The following CCDC178 variants were observed in gnomAD, a reference collection of about 807,000 sequenced individuals.
The protein encoded by CCDC178 is coiled-coil domain containing 178, also known as coiled-coil domain-containing protein 178.
A neutral mutation model predicts 117.4 loss-of-function variants in CCDC178; 126 were observed. The observed-to-expected ratio is 1.07, with a 90% CI of 0.93 to 1.24. The LOEUF is 1.24. Ranked by LOEUF, CCDC178 falls within the 50% of genes most tolerant of loss-of-function variation. The pLI, the probability that CCDC178 is intolerant of heterozygous loss-of-function variation, is 0.00. For synonymous variants in CCDC178, 283 were observed against 313.4 expected (o/e 0.90, Z 1.02); for missense variants, 1,030 against 986.9 (o/e 1.04, Z -0.59).
chr18:33,421,804 T>G (rs983202582), intron 2 of CCDC178, among the ~76,000 whole-genome samples: 11 of 152,170 alleles, frequency 7.2e-5, no homozygotes, highest in African/African-American at 2.7e-4. Flanking sequence ...GATATGAGAA[T>G]GAATAGAGTC....
chr18:33,341,220 C>T (rs904048783), intron 9 of CCDC178, among the ~76,000 whole-genome samples: 6 of 152,174 alleles, frequency 3.9e-5, no homozygotes, highest in Non-Finnish European at 7.3e-5. Context: ...TTGCATGGCC[C>T]TGTAACCCTT....
intron 5 of CCDC178, among the ~76,000 whole-genome samples, chr18:33,380,873 T>C (rs2063431586): frequency 6.6e-6 from 1 of 152,220 alleles, no homozygotes. Flanking sequence ...AACATTCGGA[T>C]TTAGTCAAGG....
intron 18 of CCDC178, among the ~76,000 whole-genome samples, chr18:33,215,954 C>T (rs192971378): frequency 6.6e-6 from 1 of 151,868 alleles, no homozygotes; most frequent in Admixed American, 6.6e-5. Context: ...TTTAAATAGC[C>T]AGGTGCAGTG....
chr18:33,418,142 C>T (rs912025821), intron 2 of CCDC178, among the ~76,000 whole-genome samples: 3 of 152,114 alleles, frequency 2.0e-5, no homozygotes, highest in African/African-American at 7.2e-5. Context: ...AAAGCTAATC[C>T]ACCACAATCA....
intron 20 of CCDC178, among the ~76,000 whole-genome samples, chr18:33,185,113 C>T (rs1268241516): frequency 6.6e-6 from 1 of 151,816 alleles, no homozygotes; most frequent in African/African-American, 2.4e-5. Context: ...GACTCCTTAG[C>T]CCCCTCTTCC....
At chr18:33,429,139 C>T (rs2064170161) in intron 2 of CCDC178, among the ~76,000 whole-genome samples, 1 of 152,040 alleles carries the variant, frequency 6.6e-6, no homozygotes, top group African/African-American at 2.4e-5. Flanking sequence ...AGCTTCTCCG[C>T]ATTATCACTC....
At chr18:33,401,344 T>C (rs1197142248) in intron 3 of CCDC178, among the ~76,000 whole-genome samples, 1 of 151,960 alleles carries the variant, frequency 6.6e-6, no homozygotes, top group East Asian at 1.9e-4. Context: ...AAACACAGGA[T>C]CTGTAAAGTG....
At chr18:33,236,612 G>T (rs540476042) in intron 15 of CCDC178, among the ~76,000 whole-genome samples, 8 of 152,248 alleles carry the variant, frequency 5.3e-5, no homozygotes, top group Middle Eastern at 3.4e-3. Flanking sequence ...AGAGAGAAAG[G>T]GAGAGTGACA....
chr18:33,269,187 C>T lies in CCDC178; in HGVS notation c.1177-1890G>A, dbSNP rs191850192. On this transcript the variant is annotated intron_variant, in intron 12 of 22. Coordinates refer to ENST00000383096, the MANE Select transcript of CCDC178 (RefSeq NM_001105528.4). The stretch of plus-strand genomic sequence containing the variant: ...CTCTCTCCCAGAAAAGCTTTTTCCC[C>T]AGAGCATGGTTGTCCAAAAAAATTA... 1.3e-3 allele frequency among the ~76,000 whole-genome samples: 199 copies of T among 151,840 alleles called. 1 individual carries two copies. Among genetic ancestry groups the T allele is most frequent in the African/African-American group, 4.5e-3 (188 of 41,500 alleles).
chr18:33,100,466 C>T (rs1439478882), intron 20 of CCDC178, among the ~76,000 whole-genome samples: 1 of 151,890 alleles, frequency 6.6e-6, no homozygotes, highest in African/African-American at 2.4e-5. Context: ...GAGGCATTCA[C>T]AAAGCTAACT....
At chr18:33,164,588 A>G (rs566467830) in intron 20 of CCDC178, among the ~76,000 whole-genome samples, 4 of 148,860 alleles carry the variant, frequency 2.7e-5, no homozygotes, top group Non-Finnish European at 5.9e-5. Flanking sequence ...CAAAATAACT[A>G]TCTTCCCTAG....
chr18:33,013,167 A>G (rs1598787987), intron 21 of CCDC178, among the ~76,000 whole-genome samples: 1 of 152,146 alleles, frequency 6.6e-6, no homozygotes, highest in East Asian at 1.9e-4. Flanking sequence ...ACCAAGCTTT[A>G]GTTTCTCCTC....
intron 22 of CCDC178, among the ~76,000 whole-genome samples, chr18:32,971,791 T>A (rs2054931222): frequency 6.6e-6 from 1 of 152,220 alleles, no homozygotes; most frequent in Non-Finnish European, 1.5e-5. Flanking sequence ...TGAGCTTTTT[T>A]AATACGTTTG....
intron 20 of CCDC178, among the ~76,000 whole-genome samples, chr18:33,151,015 G>C (rs2058335641): frequency 6.6e-6 from 1 of 152,154 alleles, no homozygotes; most frequent in Non-Finnish European, 1.5e-5. Flanking sequence ...TCAAATGTAT[G>C]TTCTCACTTA....
At chr18:32,993,303 T>A (rs1315266544) in intron 21 of CCDC178, among the ~76,000 whole-genome samples, 1 of 152,174 alleles carries the variant, frequency 6.6e-6, no homozygotes, top group East Asian at 1.9e-4. Context: ...CAGCTTTCCA[T>A]AAGACGTGCC....
At chr18:33,344,457 A>C (rs1828918889) in intron 9 of CCDC178, among the ~76,000 whole-genome samples, 1 of 152,186 alleles carries the variant, frequency 6.6e-6, no homozygotes, top group Admixed American at 6.5e-5. Flanking sequence ...ACCCAACAAT[A>C]AGTTGTCACC....
chr18:33,254,277 C>T (rs1185430150), intron 14 of CCDC178, among the ~76,000 whole-genome samples: 3 of 151,322 alleles, frequency 2.0e-5, no homozygotes, highest in Non-Finnish European at 4.4e-5. Flanking sequence ...CACACACACA[C>T]ACACACACAC....
At chr18:32,973,833 A>ATGTGTTACAAGGTAGTATGTGTT (rs1347398628) in intron 22 of CCDC178, among the ~76,000 whole-genome samples, 47 of 152,264 alleles carry the variant, frequency 3.1e-4, no homozygotes, top group African/African-American at 1.1e-3. Context: ...TACTTAATAG[A>ATGTGTTACAAGGTAGTATGTGTT]ACAAGGTAGT....
intron 21 of CCDC178, among the ~76,000 whole-genome samples, chr18:33,043,337 G>A (rs1202258863): frequency 6.6e-6 from 1 of 152,064 alleles, no homozygotes; most frequent in Non-Finnish European, 1.5e-5. Flanking sequence ...AGAACAATAT[G>A]TTTATTCTGA....
Sources: allele counts gnomAD v4.1 joint callset (sites outside exome capture counted in the v4.1 genomes callset), GRCh38; gene constraint gnomAD v4.1.1; transcripts MANE v1.5; gene names NCBI Gene and HGNC (gene_info 2026-07-23, HGNC 2026-07-21).